FAM107B: variants seen among roughly 807,000 people sequenced by gnomAD.
The protein encoded by FAM107B is protein FAM107B.
FAM107B carries 21 observed loss-of-function variants against 31.5 expected under a neutral mutation model. The observed-to-expected ratio is 0.67, with a 90% CI of 0.47 to 0.96. The LOEUF (loss-of-function observed/expected upper bound fraction) is 0.96, where lower values mean the gene tolerates loss of function less well. Ranked by LOEUF, FAM107B falls within the 40% of genes least tolerant of loss-of-function variation. The probability of loss-of-function intolerance (pLI) is 0.00; values close to 1 mark genes in which losing one functional copy is unlikely to be tolerated. For missense variants in FAM107B, 452 were observed against 377.1 expected (o/e 1.20, Z -1.64); for synonymous variants, 157 against 141.5 (o/e 1.11, Z -0.78).
chr10:14,621,994 C>T (rs1853023346), intron 2 of FAM107B, among the ~76,000 whole-genome samples: 1 of 152,188 alleles, frequency 6.6e-6, no homozygotes, highest in Admixed American at 6.5e-5. Flanking sequence ...TCAGATGCAT[C>T]TTAAATACCC....
chr10:14,562,082 G>A (rs534154283), intron 2 of FAM107B, among the ~76,000 whole-genome samples: 38 of 152,254 alleles, frequency 2.5e-4, no homozygotes, highest in African/African-American at 9.1e-4. Context: ...CACTACGCCC[G>A]GCCTTAGAGT....
chr10:14,688,029 T>A (rs1351945937), intron 1 of FAM107B, among the ~76,000 whole-genome samples: 1 of 152,194 alleles, frequency 6.6e-6, no homozygotes, highest in Non-Finnish European at 1.5e-5. Context: ...AGACCCACCT[T>A]CAATTTGGGT....
intron 2 of FAM107B, among the ~76,000 whole-genome samples, chr10:14,624,651 G>C: frequency 6.6e-6 from 1 of 151,986 alleles, no homozygotes. Flanking sequence ...AAAAAGACTT[G>C]AGGGTCAACT....
At chr10:14,535,558 C>A (rs1847516882) in intron 2 of FAM107B, among the ~76,000 whole-genome samples, 1 of 152,094 alleles carries the variant, frequency 6.6e-6, no homozygotes, top group Non-Finnish European at 1.5e-5. Context: ...TGGACCTATT[C>A]ATGCAACTAA....
chr10:14,642,823 A>T (rs1294170778), intron 2 of FAM107B, among the ~76,000 whole-genome samples: 1 of 152,226 alleles, frequency 6.6e-6, no homozygotes, highest in Non-Finnish European at 1.5e-5. Context: ...TGCCTTTCAC[A>T]AAACTCTAGA....
intron 2 of FAM107B, among the ~76,000 whole-genome samples, chr10:14,637,019 A>G (rs928222932): frequency 2.0e-5 from 3 of 152,146 alleles, no homozygotes; most frequent in Non-Finnish European, 4.4e-5. Context: ...ATTATACTCT[A>G]TAGGTAAACT....
intron 1 of FAM107B, among the ~76,000 whole-genome samples, chr10:14,681,670 T>A (rs1041048070): frequency 6.6e-6 from 1 of 152,144 alleles, no homozygotes; most frequent in Admixed American, 6.5e-5. Flanking sequence ...ATGGAGGACG[T>A]GGGTGCTATG....
chr10:14,528,046 A>G (rs1163089933), intron 3 of FAM107B: 2 of 394,326 alleles, frequency 5.1e-6, no homozygotes, highest in Non-Finnish European at 9.8e-6. Flanking sequence ...AATCCTTCAA[A>G]GAAAAGGGAG....
At chr10:14,535,083 ATAT>A (rs1431692672) in intron 2 of FAM107B, among the ~76,000 whole-genome samples, 2 of 152,240 alleles carry the variant, frequency 1.3e-5, no homozygotes, top group Non-Finnish European at 2.9e-5. Flanking sequence ...TTGCAAGCAA[ATAT>A]TATTACTGAC....
intron 1 of FAM107B, among the ~76,000 whole-genome samples, chr10:14,750,258 A>G (rs1047708792): frequency 6.6e-6 from 1 of 152,226 alleles, no homozygotes; most frequent in African/African-American, 2.4e-5. Context: ...TTTGGAAACC[A>G]GGGGAGCCAC....
chr10:14,671,551 T>G (rs1046102886), intron 1 of FAM107B, among the ~76,000 whole-genome samples: 5 of 152,112 alleles, frequency 3.3e-5, no homozygotes, highest in Non-Finnish European at 7.4e-5. Flanking sequence ...GGGGACCCCC[T>G]CCCATCTCGC....
At position 14,774,388 on chromosome 10, in the gene FAM107B, A is replaced by C. The variant is rs752175342; in HGVS notation, c.276T>G (p.Asn92Lys). The C allele has an allele frequency of 8.1e-6, 13 of 1,614,058 alleles. No homozygotes were observed. In the South Asian group the frequency reaches 1.4e-4, roughly 18 times the overall value. ...HAERNGSANR[N>K]SSHRTAAQPA... is the part of the protein sequence containing the mutation. ...GCTGGGCCGCAGTGCGGTGACTTGA[A>C]TTCCGATTCGCACTGCCATTTCTCT... The change falls in exon 1 of 5, where the codon AAT becomes AAG. Residue 92 changes from asparagine to lysine, a missense_variant. Coordinates refer to ENST00000181796, the MANE Select transcript of FAM107B (RefSeq NM_031453.4).
chr10:14,755,583 A>G (rs929383663), intron 1 of FAM107B, among the ~76,000 whole-genome samples: 5 of 152,088 alleles, frequency 3.3e-5, no homozygotes, highest in African/African-American at 1.2e-4. Flanking sequence ...ATCATCCTCA[A>G]TTTAATCCTG....
At chr10:14,667,424 G>C (rs759046281) in intron 2 of FAM107B, among the ~76,000 whole-genome samples, 248 of 152,288 alleles carry the variant, frequency 1.6e-3, no homozygotes, top group Non-Finnish European at 2.8e-3. Context: ...AAAGAAAGAA[G>C]ACAAAGAACA....
intron 2 of FAM107B, among the ~76,000 whole-genome samples, chr10:14,622,782 A>G (rs913026219): frequency 6.6e-6 from 1 of 152,206 alleles, no homozygotes; most frequent in African/African-American, 2.4e-5. Context: ...TAACATAAAC[A>G]TATGTTGAGC....
chr10:14,669,569 A>T (rs534526573), intron 1 of FAM107B, among the ~76,000 whole-genome samples: 2 of 152,044 alleles, frequency 1.3e-5, no homozygotes, highest in African/African-American at 4.8e-5. Flanking sequence ...ATTTGGCCAT[A>T]AAAAAAAGAA....
chr10:14,737,724 TCCCAG>T (rs1426859471), intron 1 of FAM107B, among the ~76,000 whole-genome samples: 10 of 150,820 alleles, frequency 6.6e-5, no homozygotes, highest in African/African-American at 2.4e-4. Context: ...TGAAAACGTT[TCCCAG>T]GCTTCCCTGG....
intron 2 of FAM107B, among the ~76,000 whole-genome samples, chr10:14,622,013 G>T (rs2131403787): frequency 6.6e-6 from 1 of 152,188 alleles, no homozygotes; most frequent in Non-Finnish European, 1.5e-5. Flanking sequence ...CCCAAAACAT[G>T]ACCGCTTATA....
intron 2 of FAM107B, among the ~76,000 whole-genome samples, chr10:14,620,950 T>C (rs1312593456): frequency 6.6e-6 from 1 of 152,248 alleles, no homozygotes. Flanking sequence ...TTTGATGTTA[T>C]TGTAAATTAT....
Sources: gnomAD v4.1 joint callset for allele counts (sites outside exome capture counted in the v4.1 genomes callset) on GRCh38, gnomAD v4.1.1 for gene constraint, MANE v1.5 for transcripts, NCBI Gene and HGNC (gene_info 2026-07-23, HGNC 2026-07-21) for gene names.